SLC25A21: variants seen among roughly 807,000 people sequenced by gnomAD.
The protein encoded by SLC25A21 is mitochondrial 2-oxodicarboxylate carrier.
In SLC25A21, 47 loss-of-function variants were observed where a neutral mutation model predicts 43.8. That is an observed-to-expected ratio of 1.07 (90% CI 0.85 to 1.37). The LOEUF (loss-of-function observed/expected upper bound fraction) is 1.37. Among genes scored for constraint, SLC25A21 ranks in the 40% most tolerant of loss-of-function variants. The pLI is 0.00. For synonymous variants in SLC25A21, 131 were observed against 121.3 expected, an observed-to-expected ratio of 1.08 and a Z score of -0.52; for missense variants, 352 against 350.2, an observed-to-expected ratio of 1.00 and a Z score of -0.04.
chr14:36,684,758 G>A lies in SLC25A21; in HGVS notation c.771C>T (p.Val257=), dbSNP rs781339634. 2 of 1,606,214 alleles carry A rather than the reference G, an allele frequency of 1.2e-6. No homozygotes were observed. Among genetic ancestry groups the A allele is most frequent in the Non-Finnish European group, 1.7e-6 (2 of 1,176,898 alleles). ...TGTTATGTTACCCTTCTTCCTGATA[G>A]ACTGTTGCCATTGTTTTAAAACAGG... The part of the protein sequence containing the change: ...YRTCFKTMAT[V]YQEEGILALY... Residue 257 remains valine, a synonymous_variant, in exon 8 of 10, where the codon GTC becomes GTT. Coordinates refer to ENST00000331299, the MANE Select transcript of SLC25A21 (RefSeq NM_030631.4).
At chr14:37,037,900 C>T (rs1961363077) in intron 1 of SLC25A21, among the ~76,000 whole-genome samples, 1 of 152,148 alleles carries the variant, frequency 6.6e-6, no homozygotes, top group Non-Finnish European at 1.5e-5. Context: ...CAGGAGAAAT[C>T]GCTTGGGAAA....
chr14:36,680,246 G>GTCT lies in SLC25A21; in HGVS notation c.*409_*411dup, dbSNP rs1251778976. On this transcript the variant is annotated 3_prime_UTR_variant, in exon 10 of 10. Coordinates refer to ENST00000331299, the MANE Select transcript of SLC25A21 (RefSeq NM_030631.4). ...TTTGGCTTAACTTTTTTTTAATCCAGTCTTTGAATAATTTGATTTATTTTC... is the reference window on the plus strand; with the variant it reads ...TTTGGCTTAACTTTTTTTTAATCCAGTCTTCTTTGAATAATTTGATTTATTTTC... 1.1e-6 allele frequency: 1 copy of GTCT among 940,502 alleles called. No individual in the cohort carries two copies. Among genetic ancestry groups the GTCT allele is most frequent in the Non-Finnish European group, 1.3e-6 (1 of 789,614 alleles). 58.3% of individuals were successfully genotyped at this position (940,502 alleles called of 1,614,324 possible).
At chr14:36,787,347 C>T (rs563071372) in intron 3 of SLC25A21, among the ~76,000 whole-genome samples, 3 of 152,256 alleles carry the variant, frequency 2.0e-5, no homozygotes, top group African/African-American at 7.2e-5. Context: ...ATTATATTAC[C>T]TCAGAACTGT....
At chr14:36,702,825 A>G (rs927653866) in intron 7 of SLC25A21, among the ~76,000 whole-genome samples, 3 of 152,132 alleles carry the variant, frequency 2.0e-5, no homozygotes, top group Non-Finnish European at 2.9e-5. Context: ...CTTGCACCTC[A>G]TTTCCATCCA....
intron 3 of SLC25A21, among the ~76,000 whole-genome samples, chr14:36,735,930 A>T (rs1291796913): frequency 3.6e-5 from 3 of 84,300 alleles, no homozygotes; most frequent in Admixed American, 1.7e-4. Context: ...TCTGGCCACA[A>T]TTTTTTTTTT....
At chr14:36,805,914 G>A (rs981091978) in intron 3 of SLC25A21, among the ~76,000 whole-genome samples, 2 of 151,980 alleles carry the variant, frequency 1.3e-5, no homozygotes, top group Admixed American at 1.3e-4. Flanking sequence ...AGGGGAGAAC[G>A]GTTAGAGGTG....
intron 1 of SLC25A21, among the ~76,000 whole-genome samples, chr14:37,045,249 G>C (rs566402318): frequency 3.0e-4 from 45 of 152,332 alleles, no homozygotes; most frequent in African/African-American, 1.0e-3. Flanking sequence ...AATATGAAAA[G>C]TTTGTGGTGT....
chr14:37,127,016 T>C (rs956949224), intron 1 of SLC25A21, among the ~76,000 whole-genome samples: 2 of 152,164 alleles, frequency 1.3e-5, no homozygotes, highest in African/African-American at 4.8e-5. Flanking sequence ...ACAACATAAA[T>C]ATTACGTGGC....
chr14:37,172,139 G>A (rs541364820), intron 1 of SLC25A21, 142 bp downstream of exon 1: 3 of 856,136 alleles, frequency 3.5e-6, no homozygotes, highest in East Asian at 2.7e-5. Flanking sequence ...GCGCCTCTAG[G>A]GGCTCAAGCA....
In SLC25A21 at chr14:37,036,405, A is replaced by G. The variant is rs948937114; in HGVS notation, c.70+135876T>C. ...TTTCACCTGCTCTATTAAGCCTTTT[A>G]ACACACACAGTAAAACTTAGCGCAA... On this transcript the variant is annotated intron_variant, in intron 1 of 9. Coordinates refer to ENST00000331299, the MANE Select transcript of SLC25A21 (RefSeq NM_030631.4). Among the ~76,000 whole-genome samples, 16 of 140,548 alleles carry G rather than the reference A, an allele frequency of 1.1e-4. No homozygotes were observed. The South Asian group carries it at 1.6e-3, about 14-fold the overall frequency. 92.2% of individuals were successfully genotyped at this position (140,548 alleles called of 152,430 possible).
intron 1 of SLC25A21, among the ~76,000 whole-genome samples, chr14:36,900,903 T>G (rs1365146524): frequency 6.6e-6 from 1 of 152,178 alleles, no homozygotes; most frequent in African/African-American, 2.4e-5. Context: ...CAAATAGAGG[T>G]AACTTTGGCT....
chr14:37,039,050 C>G (rs1448224561), intron 1 of SLC25A21, among the ~76,000 whole-genome samples: 2 of 152,160 alleles, frequency 1.3e-5, no homozygotes, highest in East Asian at 3.9e-4. Flanking sequence ...ACAATTGCAT[C>G]TGACACCATC....
rs535470696 is a variant in SLC25A21, at chr14:36,977,951, T to C, written c.71-102947A>G. Among the ~76,000 whole-genome samples, 83 of 135,118 alleles carry C rather than the reference T, an allele frequency of 6.1e-4. No individual in the cohort carries two copies. The East Asian group carries it at 0.02, about 32-fold the overall frequency. 88.6% of individuals were successfully genotyped at this position (135,118 alleles called of 152,430 possible). On this transcript the variant is annotated intron_variant, in intron 1 of 9. Coordinates refer to ENST00000331299, the MANE Select transcript of SLC25A21 (RefSeq NM_030631.4). ...CAGTGATTACAAAGCTTTTTTTTTT[T>C]TTTAAAAAAAAAAAAAGACAATTAG...
chr14:37,161,177 TGAAAAAA>T lies in SLC25A21; in HGVS notation c.70+11097_70+11103del, dbSNP rs1016689539. Among the ~76,000 whole-genome samples the T allele has an allele frequency of 1.1e-4, 16 of 151,378 alleles. 1 individual carries two copies. Among genetic ancestry groups the T allele is most frequent in the Non-Finnish European group, 2.1e-4 (14 of 67,874 alleles). On this transcript the variant is annotated intron_variant, in intron 1 of 9. Transcript: ENST00000331299. ...CATATATTCCATAAATTTGCACAAATGAAAAAAGAGTGACCAGATAAAAAGAAGAGGG... is the reference window on the plus strand; with the variant it reads ...CATATATTCCATAAATTTGCACAAATGAGTGACCAGATAAAAAGAAGAGGG...
rs778861762 is a variant in SLC25A21, at chr14:37,080,076, G to A, written c.70+92205C>T. ...TGTCAGTGATCTTGGACTTCCCAGCGTACAGAACTGAGAAGTACCTTTCTA... is the reference window on the plus strand; with the variant it reads ...TGTCAGTGATCTTGGACTTCCCAGCATACAGAACTGAGAAGTACCTTTCTA... On this transcript the variant is annotated intron_variant, in intron 1 of 9. Coordinates refer to ENST00000331299, the MANE Select transcript of SLC25A21 (RefSeq NM_030631.4). Among the ~76,000 whole-genome samples the A allele has an allele frequency of 8.5e-5, 13 of 152,212 alleles. No individual in the cohort carries two copies. In the East Asian group the frequency reaches 1.2e-3, roughly 14 times the overall value.
intron 1 of SLC25A21, among the ~76,000 whole-genome samples, chr14:37,076,783 C>G (rs1378103922): frequency 6.6e-6 from 1 of 152,154 alleles, no homozygotes; most frequent in Non-Finnish European, 1.5e-5. Flanking sequence ...TGCACCTGGC[C>G]CCCGTAAGAC....
intron 1 of SLC25A21, among the ~76,000 whole-genome samples, chr14:37,136,718 A>T (rs1963486410): frequency 9.7e-6 from 1 of 102,574 alleles, no homozygotes; most frequent in African/African-American, 2.6e-5. Context: ...AATATTATTC[A>T]GCAATTGAAA....
intron 1 of SLC25A21, among the ~76,000 whole-genome samples, chr14:37,150,949 T>C (rs1246784156): frequency 6.6e-6 from 1 of 152,164 alleles, no homozygotes; most frequent in East Asian, 1.9e-4. Flanking sequence ...AATTGTATTA[T>C]TCTGATTTGG....
intron 2 of SLC25A21, 116 bp from the exon 3 acceptor site, chr14:36,814,117 G>T: frequency 1.6e-6 from 1 of 633,072 alleles, no homozygotes; most frequent in Non-Finnish European, 2.7e-6. Flanking sequence ...ATTCTGCTTT[G>T]GTATGGATTT....
Sources: allele counts gnomAD v4.1 joint callset (sites outside exome capture counted in the v4.1 genomes callset), GRCh38; gene constraint gnomAD v4.1.1; transcripts MANE v1.5; gene names NCBI Gene and HGNC (gene_info 2026-07-23, HGNC 2026-07-21).